The following PLEKHG4B variants were observed in gnomAD, a reference collection of about 807,000 sequenced individuals.
PLEKHG4B encodes the protein pleckstrin homology domain-containing family G member 4B.
A neutral mutation model predicts 121.3 loss-of-function variants in PLEKHG4B; 111 were observed. The observed-to-expected ratio is 0.92, with a 90% CI of 0.78 to 1.07. The LOEUF is 1.07. Ranked by LOEUF, PLEKHG4B falls within the 50% of genes least tolerant of loss-of-function variation. The pLI, the probability that PLEKHG4B is intolerant of heterozygous loss-of-function variation, is 0.00. For synonymous variants in PLEKHG4B, 738 were observed against 725.0 expected (o/e 1.02, Z -0.29); for missense variants, 1,831 against 1,757.8 (o/e 1.04, Z -0.74).
chr5:92,527 G>GGC (rs113049112), intron 1 of PLEKHG4B, among the ~76,000 whole-genome samples: 22,916 of 126,260 alleles, frequency 0.18, 2,961 homozygotes, highest in African/African-American at 0.26. Context: ...AAGGCGGGCG[G>GGC]GCGCGGGGAC....
intron 6 of PLEKHG4B, among the ~76,000 whole-genome samples, chr5:146,340 C>T (rs1240698141): frequency 7.3e-6 from 1 of 137,456 alleles, no homozygotes; most frequent in Non-Finnish European, 1.6e-5. Context: ...TCTCCTCCTC[C>T]ATGGTCCTCC....
chr5:174,161 G>A, intron 18 of PLEKHG4B, 63 bp downstream of exon 18: 1 of 1,239,274 alleles, frequency 8.1e-7, no homozygotes, highest in Non-Finnish European at 1.1e-6. Flanking sequence ...CAGGGGTCGG[G>A]GCTGGGACTG....
chr5:173,894 G>A, intron 17 of PLEKHG4B, 24 bp from the exon 18 acceptor site: 1 of 1,609,068 alleles, frequency 6.2e-7, no homozygotes, highest in Non-Finnish European at 8.5e-7. Context: ...TGATGGTGCT[G>A]CAATGGGTGT....
At chr5:105,928 C>T (rs1402140401) in intron 1 of PLEKHG4B, among the ~76,000 whole-genome samples, 4 of 152,196 alleles carry the variant, frequency 2.6e-5, no homozygotes, top group African/African-American at 9.7e-5. Context: ...CCTGCTCTGT[C>T]GTGGGACCAG....
rs1560935276 is a variant in PLEKHG4B at position 156,111 on chromosome 5, A to G, written c.2249A>G (p.Lys750Arg). ...ATTGACCAGCATGAGACGATGATGA[A>G]GCTTGTCCTGGAAGACCCACTGCTT... ...ELIDQHETMMKLVLEDPLLVS... is the reference protein window; with the variant it reads ...ELIDQHETMMRLVLEDPLLVS... The change falls in exon 10 of 20, where the codon AAG (lysine) becomes AGG (arginine). Residue 750 changes from lysine to arginine, a missense_variant. Lys to Arg is a conservative substitution (Grantham distance 26). Coordinates refer to ENST00000637938, the MANE Select transcript of PLEKHG4B (RefSeq NM_052909.5). This position sits in a 1 kb window ranked among gnomAD's most constrained non-coding sequence, Gnocchi z 4.4. 3 of 1,599,276 alleles carry G rather than the reference A, an allele frequency of 1.9e-6. No homozygotes were observed. The highest frequency in any genetic ancestry group is 3.4e-5 in the Admixed American group (2 of 58,860).
chr5:105,508 A>C (rs1733951756), intron 1 of PLEKHG4B, among the ~76,000 whole-genome samples: 1 of 152,232 alleles, frequency 6.6e-6, no homozygotes, highest in Non-Finnish European at 1.5e-5. Context: ...ATCCAGAATT[A>C]GTTATTTCTC....
At chr5:122,405 ATTT>A (rs201466540) in intron 2 of PLEKHG4B, among the ~76,000 whole-genome samples, 28,417 of 142,068 alleles carry the variant, frequency 0.2, 3,685 homozygotes, top group African/African-American at 0.46. Context: ...CTTTATTTTT[ATTT>A]ATTTATTTAT....
Position 113,422 on chromosome 5 carries a change from C to T in PLEKHG4B, c.217C>T (p.Leu73=). ...TSFLLPAKRA[L]QHLQQEACAR... Reference sequence around the variant, plus strand: ...CTTCCTCCTCCCAGCCAAGAGGGCCCTGCAGCACCTGCAGCAGGAAGCCTG... The same window carrying T: ...CTTCCTCCTCCCAGCCAAGAGGGCCTTGCAGCACCTGCAGCAGGAAGCCTG... The change falls in exon 2 of 20, where the codon CTG becomes TTG. Residue 73 remains leucine, a synonymous_variant. Transcript: ENST00000637938. This position sits in a 1 kb window ranked among gnomAD's most constrained non-coding sequence, Gnocchi z 5.2. The T allele has an allele frequency of 2.5e-6, 1 of 399,124 alleles. No homozygotes were observed. The highest frequency in any genetic ancestry group is 4.4e-6 in the Non-Finnish European group (1 of 226,132). 24.7% of individuals were successfully genotyped at this position (399,124 alleles called of 1,614,324 possible). A position where few individuals can be genotyped will look rare whatever the true frequency, so the allele number is the denominator to read the frequency against.
rs147604765 is a variant in PLEKHG4B at position 144,859 on chromosome 5, T to C, written c.1844T>C (p.Leu615Pro). ...GTCCGGGACCTGGGGCTGGTTGTCC[T>C]GGTGGATGCACGCAGGAGTCCAGCT... is the stretch of plus-strand genomic sequence containing the variant. The part of the protein sequence containing the change: ...KEVRDLGLVV[L>P]VDARRSPAAP... The change falls in exon 6 of 20, where the codon CTG (leucine) becomes CCG (proline). Residue 615 changes from leucine to proline, a missense_variant. Leu to Pro is a moderately conservative substitution (Grantham distance 98). Transcript: ENST00000637938. The C allele has an allele frequency of 5.4e-5, 87 of 1,613,306 alleles. No individual in the cohort carries two copies. In the African/African-American group the frequency reaches 9.3e-4, roughly 17 times the overall value.
At position 163,076 on chromosome 5, in the gene PLEKHG4B, G is replaced by A. The variant is rs992770540; in HGVS notation, c.3004G>A (p.Ala1002Thr). The A allele has an allele frequency of 6.4e-7, 1 of 1,562,764 alleles. No homozygotes were observed. The highest frequency in any genetic ancestry group is 8.7e-7 in the Non-Finnish European group (1 of 1,153,606). ...CCCCAGCACGGACAGTGGGGGTGGT[G>A]CCTGGGAACCTGCGCAACCACTGTC... ...SFPSTDSGGGAWEPAQPLSGL... is the reference protein window; with the variant it reads ...SFPSTDSGGGTWEPAQPLSGL... The change falls in exon 13 of 20, where the codon GCC becomes ACC. Residue 1002 changes from alanine (A) to threonine (T), a missense_variant. Physicochemically the swap from Ala to Thr is moderately conservative, Grantham distance 58. Transcript: ENST00000637938.
rs1382125785 is a variant in PLEKHG4B at position 182,064 on chromosome 5, G to A, written c.4625G>A (p.Arg1542Gln). The A allele has an allele frequency of 6.8e-6, 11 of 1,613,976 alleles. No individual in the cohort carries two copies. The highest frequency in any genetic ancestry group is 5.3e-5 in the African/African-American group (4 of 74,896). The change falls in exon 20 of 20, where the codon CGA (arginine) becomes CAA (glutamine). Residue 1542 changes from arginine (R) to glutamine (Q), a missense_variant. Physicochemically the swap from Arg to Gln is conservative, Grantham distance 43. Transcript: ENST00000637938. ...TCTGACCACGCCGCCCCCTTCAAGC[G>A]ACCACACTCCACCATCTCAGACAGC... Reference protein sequence around the residue: ...SSSDHAAPFKRPHSTISDSST... With the variant: ...SSSDHAAPFKQPHSTISDSST...
At chr5:111,458 C>T (rs1422138496) in intron 1 of PLEKHG4B, among the ~76,000 whole-genome samples, 1 of 152,240 alleles carries the variant, frequency 6.6e-6, no homozygotes, top group South Asian at 2.1e-4. Flanking sequence ...CAGCCATCTC[C>T]TTCCTTATGT....
At chr5:110,718 C>T (rs988538614) in intron 1 of PLEKHG4B, among the ~76,000 whole-genome samples, 1 of 151,616 alleles carries the variant, frequency 6.6e-6, no homozygotes, top group African/African-American at 2.4e-5. Context: ...AAATGCAACA[C>T]GTGTGCACAC....
chr5:140,422 A>G lies in PLEKHG4B; in HGVS notation c.1183A>G (p.Ser395Gly). ...GGACCTGGGGACTGGGGCAGTAGCC[A>G]GTGGGACCCAGGAGGAAACCTCTGG... ...SRDLGTGAVASGTQEETSGPR... is the reference protein window; with the variant it reads ...SRDLGTGAVAGGTQEETSGPR... The change falls in exon 3 of 20, where the codon AGT becomes GGT. Residue 395 changes from serine (S) to glycine (G), a missense_variant. Physicochemically the swap from Ser to Gly is moderately conservative, Grantham distance 56. Coordinates refer to ENST00000637938, the MANE Select transcript of PLEKHG4B (RefSeq NM_052909.5). 1.3e-6 allele frequency: 2 copies of G among 1,561,290 alleles called. No homozygotes were observed. Among genetic ancestry groups the G allele is most frequent in the Non-Finnish European group, 1.7e-6 (2 of 1,153,628 alleles).
intron 2 of PLEKHG4B, among the ~76,000 whole-genome samples, chr5:127,174 T>C (rs113973941): frequency 0.023 from 3,534 of 152,156 alleles, 155 homozygotes; most frequent in African/African-American, 0.081. Context: ...CCAGCTTGCT[T>C]GTCTATGTCT....
chr5:170,103 G>A (rs1736494407), intron 14 of PLEKHG4B, among the ~76,000 whole-genome samples: 1 of 152,212 alleles, frequency 6.6e-6, no homozygotes, highest in African/African-American at 2.4e-5. Flanking sequence ...TTGCTTCTCA[G>A]TGATGAATGT....
Position 172,977 on chromosome 5 carries a change from T to C in PLEKHG4B, c.4131T>C (p.His1377=), listed in dbSNP as rs372164568. 248 of 1,614,022 alleles carry C rather than the reference T, an allele frequency of 1.5e-4. No individual in the cohort carries two copies. Among genetic ancestry groups the C allele is most frequent in the Non-Finnish European group, 1.9e-4 (230 of 1,180,028 alleles). The change falls in exon 17 of 20, where the codon CAT becomes CAC. Residue 1377 remains histidine (H), a synonymous_variant. Coordinates refer to ENST00000637938, the MANE Select transcript of PLEKHG4B (RefSeq NM_052909.5). ...VCCGRKKYLR[H]VFLFEDLILF... is the part of the protein sequence containing the mutation. ...GCGGGAGGAAGAAGTATCTGAGGCA[T>C]GTGTTCCTCTTTGAAGACCTCATCC...
intron 1 of PLEKHG4B, among the ~76,000 whole-genome samples, chr5:99,404 C>G (rs1733736366): frequency 6.6e-6 from 1 of 151,546 alleles, no homozygotes; most frequent in Non-Finnish European, 1.5e-5. Flanking sequence ...CTTGTGTTTT[C>G]TTTAATTTCT....
Position 157,073 on chromosome 5 carries a change from AAG to A in PLEKHG4B, c.2487+164_2487+165del. The A allele has an allele frequency of 1.8e-6, 2 of 1,093,772 alleles. No individual in the cohort carries two copies. Among genetic ancestry groups the A allele is most frequent in the Non-Finnish European group, 2.7e-6 (2 of 751,340 alleles). 67.8% of individuals were successfully genotyped at this position (1,093,772 alleles called of 1,614,324 possible). ...GGGCATGCCTTGCTGCTTGTGTAAA[AAG>A]AAATAAATTTTATTTTTTACGTGAG... On this transcript the variant is annotated intron_variant, in intron 11 of 19. Transcript: ENST00000637938. This position sits in a 1 kb window ranked among gnomAD's most constrained non-coding sequence, Gnocchi z 4.6.
Sources: allele counts gnomAD v4.1 joint callset (sites outside exome capture counted in the v4.1 genomes callset), GRCh38; gene constraint gnomAD v4.1.1; non-coding constraint Gnocchi (gnomAD v3.1); transcripts MANE v1.5; gene names NCBI Gene and HGNC (gene_info 2026-07-23, HGNC 2026-07-21).